The following PAX5 variants were observed in gnomAD, a reference collection of about 807,000 sequenced individuals.
PAX5 encodes the protein paired box 5.
Under a neutral mutation model 43.7 loss-of-function variants are expected in PAX5, and 9 were observed. The ratio of observed to expected loss-of-function variants is 0.21; its 90% CI spans 0.12 to 0.36. The LOEUF (loss-of-function observed/expected upper bound fraction) is 0.36. PAX5 is among the 10% of genes least tolerant of loss of function. The pLI is 1.00. For synonymous variants in PAX5, 228 were observed against 214.3 expected, an observed-to-expected ratio of 1.06 and a Z score of -0.56; for missense variants, 383 against 532.7, an observed-to-expected ratio of 0.72 and a Z score of 2.77.
chr9:36,903,101 A>T (rs988191602), intron 7 of PAX5, among the ~76,000 whole-genome samples: 1 of 152,208 alleles, frequency 6.6e-6, no homozygotes, highest in Non-Finnish European at 1.5e-5. Context: ...CAGGAACTCC[A>T]TGGGGTGCAG....
chr9:37,019,037 T>C (rs1588243886), intron 2 of PAX5, among the ~76,000 whole-genome samples: 1 of 152,032 alleles, frequency 6.6e-6, no homozygotes, highest in Admixed American at 6.6e-5. Flanking sequence ...TCTCCCTCTC[T>C]CTCGGTACAA....
At chr9:36,941,579 C>G (rs140508850) in intron 6 of PAX5, among the ~76,000 whole-genome samples, 111 of 152,290 alleles carry the variant, frequency 7.3e-4, no homozygotes, top group African/African-American at 2.6e-3. Context: ...TTGGAGCCAC[C>G]ACCTGTGAGA....
At chr9:36,966,276 A>C (rs1191849136) in intron 6 of PAX5, among the ~76,000 whole-genome samples, 1 of 152,190 alleles carries the variant, frequency 6.6e-6, no homozygotes, top group Non-Finnish European at 1.5e-5. Flanking sequence ...GAGCCCTTGG[A>C]AAGGACACCA....
intron 7 of PAX5, among the ~76,000 whole-genome samples, chr9:36,883,159 G>GC (rs1016989231): frequency 6.6e-6 from 1 of 152,122 alleles, no homozygotes; most frequent in Non-Finnish European, 1.5e-5. Context: ...CTGACAGTCT[G>GC]CCCCCCTGCC....
At chr9:36,884,031 G>C (rs545067844) in intron 7 of PAX5, among the ~76,000 whole-genome samples, 2 of 152,102 alleles carry the variant, frequency 1.3e-5, no homozygotes, top group Non-Finnish European at 2.9e-5. Context: ...TTAGCTTCTT[G>C]GGAAAGTTTT....
intron 8 of PAX5, among the ~76,000 whole-genome samples, chr9:36,866,441 A>G (rs1824893157): frequency 6.6e-6 from 1 of 152,200 alleles, no homozygotes; most frequent in Non-Finnish European, 1.5e-5. Context: ...GCCTGGATCC[A>G]CTGAGGCACA....
intron 7 of PAX5, among the ~76,000 whole-genome samples, chr9:36,889,321 G>T (rs1204657256): frequency 2.0e-5 from 3 of 152,204 alleles, no homozygotes; most frequent in Admixed American, 6.5e-5. Flanking sequence ...TGTACCCAAG[G>T]TTGCACGGCT....
chr9:37,002,723 A>T lies in PAX5; in HGVS notation c.529T>A (p.Ser177Thr). The change falls in exon 5 of 10, where the codon TCG (serine) becomes ACG (threonine). Residue 177 changes from serine to threonine, a missense_variant. By Grantham distance (58) the Ser-to-Thr change is moderately conservative. Around this residue, in one of 5 missense-constraint regions of PAX5, gnomAD observed 291 missense variants for 342.5 expected, o/e 0.85. Transcript: ENST00000358127. ...AGGATGCCGCTGATGGAGTACGACG[A>T]GCCGGCCGAATCCGTGCTCACCGAG... ...VSSVSTDSAG[S>T]SYSISGILGI... The T allele has an allele frequency of 1.1e-5, 17 of 1,610,554 alleles. No individual in the cohort carries two copies. The highest frequency in any genetic ancestry group is 1.4e-5 in the Non-Finnish European group (17 of 1,178,988).
intron 8 of PAX5, among the ~76,000 whole-genome samples, chr9:36,878,719 C>T (rs1327734441): frequency 6.6e-6 from 1 of 152,108 alleles, no homozygotes; most frequent in African/African-American, 2.4e-5. Context: ...GGGACAGTGC[C>T]GGGGGTAGTG....
chr9:36,958,013 G>T (rs967034473), intron 6 of PAX5, among the ~76,000 whole-genome samples: 1 of 152,186 alleles, frequency 6.6e-6, no homozygotes, highest in African/African-American at 2.4e-5. Context: ...TCTTCCCAGA[G>T]CATCAAGTTG....
At chr9:36,950,386 GCAACCACATGCGT>G (rs1433220921) in intron 6 of PAX5, among the ~76,000 whole-genome samples, 1 of 152,226 alleles carries the variant, frequency 6.6e-6, no homozygotes, top group Non-Finnish European at 1.5e-5. Flanking sequence ...GAGAGGAAAT[GCAACCACATGCGT>G]CACAGAATGC....
intron 9 of PAX5, among the ~76,000 whole-genome samples, chr9:36,844,057 C>T (rs1822336772): frequency 6.6e-6 from 1 of 152,202 alleles, no homozygotes; most frequent in African/African-American, 2.4e-5. Flanking sequence ...AATTCATTTT[C>T]TGCTTAAGCC....
intron 1 of PAX5, among the ~76,000 whole-genome samples, chr9:37,031,091 G>T (rs756492859): frequency 6.6e-6 from 1 of 152,288 alleles, no homozygotes; most frequent in Non-Finnish European, 1.5e-5. Flanking sequence ...TGGATCAGGA[G>T]TCTGCTCTAC....
At chr9:37,026,645 T>C in intron 1 of PAX5, 6 of 1,349,496 alleles carry the variant, frequency 4.4e-6, no homozygotes, top group Non-Finnish European at 5.8e-6. Context: ...CCAGGGCGGA[T>C]AGGGAGCCTC....
chr9:36,835,072 T>A lies in PAX5; in HGVS notation c.*5488A>T, dbSNP rs957449191. 19 of 233,242 alleles carry A rather than the reference T, an allele frequency of 8.1e-5. No homozygotes were observed. Among genetic ancestry groups the A allele is most frequent in the Non-Finnish European group, 1.4e-4 (17 of 118,078 alleles). 14.4% of individuals were successfully genotyped at this position (233,242 alleles called of 1,614,324 possible). A position where few individuals can be genotyped will look rare whatever the true frequency, so the allele number is the denominator to read the frequency against. ...CTACCTGAGACGACTCCTTTGAGGC[T>A]TTGCTGATTGTCCCTCAGTAGATAT... On this transcript the variant is annotated 3_prime_UTR_variant, in exon 10 of 10. Coordinates refer to ENST00000358127, the MANE Select transcript of PAX5 (RefSeq NM_016734.3).
chr9:36,959,411 T>A (rs1833766125), intron 6 of PAX5, among the ~76,000 whole-genome samples: 2 of 152,222 alleles, frequency 1.3e-5, no homozygotes, highest in African/African-American at 4.8e-5. Context: ...CCTGTCTTCT[T>A]CCTTGCCCAC....
chr9:36,840,568 G>A lies in PAX5; in HGVS notation c.1168C>T (p.Arg390Cys), dbSNP rs1227199851. 5 of 1,586,686 alleles carry A rather than the reference G, an allele frequency of 3.2e-6. No homozygotes were observed. In the South Asian group the frequency reaches 3.5e-5, roughly 11 times the overall value. ...APPAAATAYD[R>C]H The stretch of plus-strand genomic sequence containing the variant: ...CCGCCTGGCTCCAAGGGTCAGTGAC[G>A]GTCATAGGCAGTGGCGGCTGCAGGT... The change falls in exon 10 of 10, where the codon CGT becomes TGT. Residue 390 changes from arginine to cysteine, a missense_variant. Around this residue, in one of 5 missense-constraint regions of PAX5, gnomAD observed 291 missense variants for 342.5 expected, o/e 0.85. Coordinates refer to ENST00000358127, the MANE Select transcript of PAX5 (RefSeq NM_016734.3).
intron 5 of PAX5, among the ~76,000 whole-genome samples, chr9:36,985,473 C>T (rs924800932): frequency 2.0e-5 from 3 of 152,222 alleles, no homozygotes; most frequent in Non-Finnish European, 2.9e-5. Context: ...CATTCCCTCA[C>T]TACTACTTCC....
At chr9:36,856,101 C>T (rs569965967) in intron 8 of PAX5, among the ~76,000 whole-genome samples, 1 of 152,358 alleles carries the variant, frequency 6.6e-6, no homozygotes, top group South Asian at 2.1e-4. Flanking sequence ...CCATCTGTGA[C>T]TGACAGGTCC....
Sources: allele counts gnomAD v4.1 joint callset (sites outside exome capture counted in the v4.1 genomes callset), GRCh38; gene constraint gnomAD v4.1.1; regional missense constraint gnomAD v4.1.1; transcripts MANE v1.5; gene names NCBI Gene and HGNC (gene_info 2026-07-23, HGNC 2026-07-21).